The following AFG2A variants were observed in gnomAD, a reference collection of about 807,000 sequenced individuals.
AFG2A encodes ATPase family gene 2 protein homolog A.
At chr4:123,147,837 T>G in the AFG2A span, among the ~76,000 whole-genome samples, 2 of 152,198 alleles carry the variant, frequency 1.3e-5, no homozygotes, top group African/African-American at 4.8e-5. Flanking sequence ...TTTATGTAAT[T>G]GTACATGAAT....
At chr4:122,946,226 C>G in the AFG2A span, among the ~76,000 whole-genome samples, 1 of 152,158 alleles carries the variant, frequency 6.6e-6, no homozygotes, top group Non-Finnish European at 1.5e-5. Flanking sequence ...AGAGAGCTGT[C>G]TTATAATTAC....
chr4:123,101,328 A>G, the AFG2A span, among the ~76,000 whole-genome samples: 2 of 151,916 alleles, frequency 1.3e-5, no homozygotes, highest in South Asian at 2.1e-4. Flanking sequence ...GCTATTAAGA[A>G]TACTATCTGG....
chr4:123,191,116 C>T, the AFG2A span, among the ~76,000 whole-genome samples: 1 of 152,016 alleles, frequency 6.6e-6, no homozygotes, highest in African/African-American at 2.4e-5. Flanking sequence ...ATATGTAAAG[C>T]TGGGGAGGAA....
chr4:123,028,500 GTGA>G, the AFG2A span: 4 of 869,186 alleles, frequency 4.6e-6, no homozygotes, highest in East Asian at 5.2e-5. Context: ...TTAAGGAGCA[GTGA>G]TTCTTTTTTT....
At chr4:122,991,034 A>G in the AFG2A span, among the ~76,000 whole-genome samples, 1 of 152,226 alleles carries the variant, frequency 6.6e-6, no homozygotes, top group African/African-American at 2.4e-5. Flanking sequence ...ATTTATCATT[A>G]TGAAGTGATC....
the AFG2A span, among the ~76,000 whole-genome samples, chr4:123,210,199 T>G: frequency 2.0e-5 from 3 of 152,238 alleles, no homozygotes; most frequent in African/African-American, 7.2e-5. Flanking sequence ...ATGTTTTACC[T>G]CACATACTTA....
chr4:123,233,558 G>C, the AFG2A span, among the ~76,000 whole-genome samples: 1 of 152,056 alleles, frequency 6.6e-6, no homozygotes, highest in African/African-American at 2.4e-5. Flanking sequence ...GCCAAGTTAA[G>C]TATTTAGGTT....
chr4:123,122,951 AC>A, the AFG2A span, among the ~76,000 whole-genome samples: 1 of 152,056 alleles, frequency 6.6e-6, no homozygotes. Flanking sequence ...CTGAAAATTG[AC>A]CTTTTAACTT....
At chr4:123,256,542 A>G in the AFG2A span, among the ~76,000 whole-genome samples, 1 of 152,342 alleles carries the variant, frequency 6.6e-6, no homozygotes, top group South Asian at 2.1e-4. Context: ...TCAAATGGAA[A>G]TGATACTACT....
chr4:122,955,531 C>T, the AFG2A span, among the ~76,000 whole-genome samples: 10 of 152,162 alleles, frequency 6.6e-5, no homozygotes, highest in Non-Finnish European at 1.5e-4. Context: ...ATCATTGACT[C>T]ATAGTTGTCT....
At chr4:123,302,130 C>G in the AFG2A span, among the ~76,000 whole-genome samples, 1 of 152,114 alleles carries the variant, frequency 6.6e-6, no homozygotes, top group Non-Finnish European at 1.5e-5. Flanking sequence ...ATCCCCCGAG[C>G]CGCTTCCTCC....
At chr4:123,128,248 C>T in the AFG2A span, among the ~76,000 whole-genome samples, 3 of 152,016 alleles carry the variant, frequency 2.0e-5, no homozygotes, top group African/African-American at 2.4e-5. Flanking sequence ...ACTTTTCATG[C>T]GTTTAAGTTC....
At chr4:123,274,595 T>TTA in the AFG2A span, among the ~76,000 whole-genome samples, 5 of 141,154 alleles carry the variant, frequency 3.5e-5, no homozygotes, top group African/African-American at 1.0e-4. Flanking sequence ...AGCACATAAT[T>TTA]AAAAAAAAAA....
At chr4:123,201,795 G>T in the AFG2A span, among the ~76,000 whole-genome samples, 1 of 152,034 alleles carries the variant, frequency 6.6e-6, no homozygotes, top group Admixed American at 6.6e-5. Context: ...GGTGGCATAT[G>T]CCTGTAATCC....
At chr4:123,146,870 G>A in the AFG2A span, among the ~76,000 whole-genome samples, 1 of 152,214 alleles carries the variant, frequency 6.6e-6, no homozygotes, top group South Asian at 2.1e-4. Flanking sequence ...CATACACCTA[G>A]GGACTGACTA....
the AFG2A span, among the ~76,000 whole-genome samples, chr4:123,154,146 T>A: frequency 2.0e-5 from 3 of 151,994 alleles, no homozygotes; most frequent in East Asian, 5.8e-4. Flanking sequence ...GGAACCTGAA[T>A]CCATTCACTA....
chr4:123,256,654 CATTTTGGCAAGTTATCTCAGTCTA>C, the AFG2A span: 1 of 965,938 alleles, frequency 1.0e-6, no homozygotes, highest in Non-Finnish European at 1.2e-6. Flanking sequence ...ATCTTTTTGT[CATTTTGGCAAGTTATCTCAGTCTA>C]ATTTTGTATT....
At chr4:122,994,765 C>T in the AFG2A span, among the ~76,000 whole-genome samples, 7 of 152,158 alleles carry the variant, frequency 4.6e-5, no homozygotes, top group East Asian at 7.7e-4. Context: ...ACCCAAACCC[C>T]TTAGTAAACT....
chr4:122,955,401 C>T, the AFG2A span, among the ~76,000 whole-genome samples: 3 of 152,170 alleles, frequency 2.0e-5, no homozygotes, highest in Admixed American at 2.0e-4. Context: ...GGTCCTACCT[C>T]TTAATACAAT....
Sources: gnomAD v4.1 joint callset for allele counts (sites outside exome capture counted in the v4.1 genomes callset) on GRCh38, gnomAD v4.1.1 for gene constraint, MANE v1.5 for transcripts, NCBI Gene and HGNC (gene_info 2026-07-23, HGNC 2026-07-21) for gene names.